SIPA1L2: variants seen among roughly 807,000 people sequenced by gnomAD.
The protein encoded by SIPA1L2 is signal-induced proliferation-associated 1-like protein 2.
Under a neutral mutation model 163.9 loss-of-function variants are expected in SIPA1L2, and 56 were observed. That is an observed-to-expected ratio of 0.34 (90% CI 0.28 to 0.43). The LOEUF is 0.43. Ranked by LOEUF, SIPA1L2 falls within the 20% of genes least tolerant of loss-of-function variation. The pLI is 1.00. For synonymous variants in SIPA1L2, 877 were observed against 865.7 expected, an observed-to-expected ratio of 1.01 and a Z score of -0.23; for missense variants, 1,974 against 2,193.5, an observed-to-expected ratio of 0.90 and a Z score of 2.00.
intron 1 of SIPA1L2, among the ~76,000 whole-genome samples, chr1:232,576,256 A>G (rs1441917566): frequency 6.6e-6 from 1 of 152,226 alleles, no homozygotes; most frequent in Non-Finnish European, 1.5e-5. Context: ...GAGCAAGTCT[A>G]TCGGCACCAT....
chr1:232,498,738 C>G (rs1461749312), intron 3 of SIPA1L2, among the ~76,000 whole-genome samples: 3 of 152,126 alleles, frequency 2.0e-5, no homozygotes, highest in Non-Finnish European at 2.9e-5. Flanking sequence ...CTCTGTTTTC[C>G]TCCTTATAAG....
rs6701510 is a variant in SIPA1L2 at position 232,558,714 on chromosome 1, C to T, written c.-270+15460G>A. Among the ~76,000 whole-genome samples, 674 of 152,242 alleles carry T rather than the reference C, an allele frequency of 4.4e-3. 3 individuals are homozygous for T. The highest frequency in any genetic ancestry group is 0.015 in the African/African-American group (626 of 41,540). ...TCTGGAAGAACTAACTGGCATTTCT[C>T]CTGGCTGATGCATGATCCTAAATCT... is the stretch of plus-strand genomic sequence containing the variant. On this transcript the variant is annotated intron_variant, in intron 2 of 22. Coordinates refer to ENST00000674635, the MANE Select transcript of SIPA1L2 (RefSeq NM_020808.5).
At chr1:232,400,191 T>C (rs896695046) in intron 22 of SIPA1L2, among the ~76,000 whole-genome samples, 2 of 152,102 alleles carry the variant, frequency 1.3e-5, no homozygotes, top group Non-Finnish European at 2.9e-5. Context: ...CCACCCTGGA[T>C]AGACTCACTT....
chr1:232,558,037 A>C lies in SIPA1L2; in HGVS notation c.-270+16137T>G, dbSNP rs116694365. The stretch of plus-strand genomic sequence containing the variant: ...CAAAAGCCTTGCTGGAAAAAGTGAC[A>C]AGTCATAGCTGCATTGTTCAAACAG... On this transcript the variant is annotated intron_variant, in intron 2 of 22. Transcript: ENST00000674635. 9.3e-3 allele frequency among the ~76,000 whole-genome samples: 1,412 copies of C among 152,340 alleles called. 19 individuals are homozygous for C. Among genetic ancestry groups the C allele is most frequent in the African/African-American group, 0.032 (1,324 of 41,574 alleles).
At chr1:232,479,139 G>T (rs559404358) in intron 7 of SIPA1L2, among the ~76,000 whole-genome samples, 1 of 152,166 alleles carries the variant, frequency 6.6e-6, no homozygotes, top group Non-Finnish European at 1.5e-5. Flanking sequence ...AGTGGCTGTA[G>T]TCAAAGCATG....
At chr1:232,549,413 A>T (rs995037036) in intron 2 of SIPA1L2, among the ~76,000 whole-genome samples, 1 of 152,234 alleles carries the variant, frequency 6.6e-6, no homozygotes, top group African/African-American at 2.4e-5. Flanking sequence ...TGAAAGCCAA[A>T]TCCTCAAGGT....
intron 1 of SIPA1L2, among the ~76,000 whole-genome samples, chr1:232,576,839 A>G (rs1660105364): frequency 6.6e-6 from 1 of 152,224 alleles, no homozygotes; most frequent in Admixed American, 6.5e-5. Flanking sequence ...AACCAGCCAC[A>G]TTTCCTTAAG....
intron 2 of SIPA1L2, among the ~76,000 whole-genome samples, chr1:232,529,541 G>T (rs1667873667): frequency 6.6e-6 from 1 of 152,186 alleles, no homozygotes; most frequent in African/African-American, 2.4e-5. Context: ...GGGCTCAAGG[G>T]TGCCAGAATA....
chr1:232,444,206 C>T (rs946549462), intron 11 of SIPA1L2, among the ~76,000 whole-genome samples: 2 of 152,098 alleles, frequency 1.3e-5, no homozygotes, highest in African/African-American at 4.8e-5. Flanking sequence ...TGAAAACTCA[C>T]TTGATGAAGA....
At chr1:232,510,013 C>G (rs951954111) in intron 3 of SIPA1L2, among the ~76,000 whole-genome samples, 1 of 152,264 alleles carries the variant, frequency 6.6e-6, no homozygotes, top group Admixed American at 6.5e-5. Flanking sequence ...ATTGCCTCCC[C>G]ACTCCCTCAT....
At chr1:232,593,328 G>C (rs1661062724) in intron 1 of SIPA1L2, among the ~76,000 whole-genome samples, 1 of 152,112 alleles carries the variant, frequency 6.6e-6, no homozygotes, top group South Asian at 2.1e-4. Context: ...CCTTTCTGCA[G>C]CCTGGGAGAA....
chr1:232,424,128 A>G (rs1265016332), intron 18 of SIPA1L2, among the ~76,000 whole-genome samples: 1 of 152,048 alleles, frequency 6.6e-6, no homozygotes, highest in Non-Finnish European at 1.5e-5. Context: ...AATGTAAACC[A>G]GGGCCTTTGG....
chr1:232,598,734 A>T (rs543082756), intron 1 of SIPA1L2, among the ~76,000 whole-genome samples: 3 of 152,110 alleles, frequency 2.0e-5, no homozygotes, highest in South Asian at 4.1e-4. Flanking sequence ...ATCCAATTCA[A>T]CAGAGCTCAG....
chr1:232,454,952 G>A (rs1663809364), intron 10 of SIPA1L2, among the ~76,000 whole-genome samples: 1 of 152,210 alleles, frequency 6.6e-6, no homozygotes, highest in South Asian at 2.1e-4. Flanking sequence ...GATTACATCT[G>A]TCCCATCCGT....
chr1:232,474,925 A>G (rs1048955601), intron 7 of SIPA1L2, among the ~76,000 whole-genome samples: 2 of 152,202 alleles, frequency 1.3e-5, no homozygotes, highest in Non-Finnish European at 2.9e-5. Flanking sequence ...ATTATTTTAA[A>G]CCCAGTAAGA....
intron 15 of SIPA1L2, among the ~76,000 whole-genome samples, chr1:232,435,986 G>C (rs1303928068): frequency 1.3e-5 from 2 of 152,056 alleles, no homozygotes; most frequent in African/African-American, 4.8e-5. Flanking sequence ...GTGTGCCTGG[G>C]GCTGGAGGAG....
At chr1:232,573,827 G>A (rs945011634) in intron 2 of SIPA1L2, among the ~76,000 whole-genome samples, 3 of 152,076 alleles carry the variant, frequency 2.0e-5, no homozygotes, top group Admixed American at 1.3e-4. Context: ...ACATGCTCAC[G>A]TGTTGTACCT....
intron 1 of SIPA1L2, among the ~76,000 whole-genome samples, chr1:232,611,156 C>T (rs1662215554): frequency 6.6e-6 from 1 of 152,162 alleles, no homozygotes; most frequent in South Asian, 2.1e-4. Flanking sequence ...CTGCCTCTGC[C>T]ATGTAAGAAC....
At chr1:232,571,400 G>A (rs1558276245) in intron 2 of SIPA1L2, among the ~76,000 whole-genome samples, 1 of 152,236 alleles carries the variant, frequency 6.6e-6, no homozygotes, top group African/African-American at 2.4e-5. Flanking sequence ...GTGGGTTTCT[G>A]AAAAGTCTGT....
Sources: gnomAD v4.1 joint callset for allele counts (sites outside exome capture counted in the v4.1 genomes callset) on GRCh38, gnomAD v4.1.1 for gene constraint, MANE v1.5 for transcripts, NCBI Gene and HGNC (gene_info 2026-07-23, HGNC 2026-07-21) for gene names.